The following AKR1E2 variants were observed in gnomAD, a reference collection of about 807,000 sequenced individuals.
AKR1E2 encodes the protein aldo-keto reductase family 1 member E2.
Under a neutral mutation model 41.9 loss-of-function variants are expected in AKR1E2, and 43 were observed. The ratio of observed to expected loss-of-function variants is 1.03; its 90% CI spans 0.80 to 1.32. The LOEUF is 1.32. Ranked by LOEUF, AKR1E2 falls within the 40% of genes most tolerant of loss-of-function variation. The pLI, the probability that AKR1E2 is intolerant of heterozygous loss-of-function variation, is 0.00. For synonymous variants in AKR1E2, 121 were observed against 138.9 expected, an observed-to-expected ratio of 0.87 and a Z score of 0.91; for missense variants, 423 against 396.5, an observed-to-expected ratio of 1.07 and a Z score of -0.57.
intron 1 of AKR1E2, among the ~76,000 whole-genome samples, chr10:4,826,606 G>C (rs915506297): frequency 6.6e-6 from 1 of 152,144 alleles, no homozygotes; most frequent in Admixed American, 6.5e-5. Flanking sequence ...GGGAACCTCG[G>C]CAGCCAAGCC....
the AKR1E2 span, among the ~76,000 whole-genome samples, chr10:4,862,514 C>T: frequency 6.6e-6 from 1 of 152,144 alleles, no homozygotes; most frequent in Non-Finnish European, 1.5e-5. Context: ...CTATAAATTA[C>T]CTTGGGCAGT....
the AKR1E2 span, among the ~76,000 whole-genome samples, chr10:4,865,726 G>A: frequency 6.6e-6 from 1 of 152,132 alleles, no homozygotes; most frequent in South Asian, 2.1e-4. Flanking sequence ...AGAGATAATC[G>A]GTATTAAGTT....
chr10:4,856,046 G>A, the AKR1E2 span, among the ~76,000 whole-genome samples: 3 of 152,116 alleles, frequency 2.0e-5, no homozygotes, highest in African/African-American at 7.2e-5. Context: ...ACTTACCAAG[G>A]TTTTTCACCA....
At chr10:4,868,029 T>G in the AKR1E2 span, among the ~76,000 whole-genome samples, 1 of 152,084 alleles carries the variant, frequency 6.6e-6, no homozygotes, top group Non-Finnish European at 1.5e-5. Flanking sequence ...ACTGGATCGT[T>G]GGGGGTTTGG....
At chr10:4,845,297 C>T (rs991630083) in intron 8 of AKR1E2, among the ~76,000 whole-genome samples, 5 of 152,332 alleles carry the variant, frequency 3.3e-5, no homozygotes, top group Admixed American at 6.5e-5. Context: ...CGGCGTCTCT[C>T]CCTCCACACC....
At chr10:4,842,834 A>G (rs1484525932) in intron 8 of AKR1E2, among the ~76,000 whole-genome samples, 2 of 152,064 alleles carry the variant, frequency 1.3e-5, no homozygotes, top group Admixed American at 6.5e-5. Flanking sequence ...CCCACAGGGG[A>G]GGCTGGATGT....
At position 4,826,238 on chromosome 10, in the gene AKR1E2, C is replaced by G. The variant is rs1832479435; in HGVS notation, c.-87C>G. 1 of 1,098,748 alleles carries G rather than the reference C, an allele frequency of 9.1e-7. No individual in the cohort carries two copies. Among genetic ancestry groups the G allele is most frequent in the Non-Finnish European group, 1.2e-6 (1 of 865,288 alleles). The allele number at this position is 1,098,748 out of a possible 1,614,324, so 68.1% of individuals were successfully genotyped here. On this transcript the variant is annotated 5_prime_UTR_variant, in exon 1 of 10. Transcript: ENST00000298375. ...AGGCACTTCCAGCCAGTCGCAACGGCGGGTCGCCAGCGCCGCAGTAGCTCG... is the reference window on the plus strand; with the variant it reads ...AGGCACTTCCAGCCAGTCGCAACGGGGGGTCGCCAGCGCCGCAGTAGCTCG...
chr10:4,834,301 A>G (rs1245491965), intron 3 of AKR1E2, among the ~76,000 whole-genome samples: 1 of 152,248 alleles, frequency 6.6e-6, no homozygotes, highest in Non-Finnish European at 1.5e-5. Flanking sequence ...GTAAAATAAC[A>G]AAAAACACTT....
At chr10:4,840,417 G>A (rs1053498437) in intron 6 of AKR1E2, among the ~76,000 whole-genome samples, 6 of 152,184 alleles carry the variant, frequency 3.9e-5, no homozygotes, top group African/African-American at 1.4e-4. Context: ...CATTCCCGAG[G>A]TCATTAGAGG....
the AKR1E2 span, among the ~76,000 whole-genome samples, chr10:4,867,948 T>C: frequency 6.6e-6 from 1 of 152,132 alleles, no homozygotes; most frequent in South Asian, 2.1e-4. Flanking sequence ...CACTGTGATA[T>C]ATATACTGCC....
Position 4,835,660 on chromosome 10 carries a change from T to C in AKR1E2, c.325-15T>C. On this transcript the variant is annotated splice_polypyrimidine_tract_variant and intron_variant, in intron 3 of 9. Coordinates refer to ENST00000298375, the MANE Select transcript of AKR1E2 (RefSeq NM_001040177.3). ...TTGTTTTGTTTTCACACATCTCAAC[T>C]CTCCTTCTTCGCAGCCTCCTCATCC... The C allele has an allele frequency of 6.2e-7, 1 of 1,613,252 alleles. No homozygotes were observed. Among genetic ancestry groups the C allele is most frequent in the Non-Finnish European group, 8.5e-7 (1 of 1,179,796 alleles).
chr10:4,858,502 A>G, the AKR1E2 span, among the ~76,000 whole-genome samples: 1 of 152,232 alleles, frequency 6.6e-6, no homozygotes, highest in Non-Finnish European at 1.5e-5. Flanking sequence ...TTTCAATGCA[A>G]TTGGTGCTTC....
chr10:4,831,988 A>C (rs1314808652), intron 2 of AKR1E2, among the ~76,000 whole-genome samples: 1 of 152,196 alleles, frequency 6.6e-6, no homozygotes, highest in Non-Finnish European at 1.5e-5. Context: ...CTGCACTGGC[A>C]CAGTGGGTGA....
intron 3 of AKR1E2, 134 bp from the exon 4 acceptor site, chr10:4,835,541 C>A: frequency 8.8e-7 from 1 of 1,135,930 alleles, no homozygotes; most frequent in Non-Finnish European, 1.2e-6. Context: ...AAGGTGAAGA[C>A]TGGGCCTGGT....
chr10:4,847,419 T>C (rs1019607882), intron 9 of AKR1E2, 69 bp from the exon 10 acceptor site: 2 of 1,580,696 alleles, frequency 1.3e-6, no homozygotes, highest in South Asian at 2.3e-5. Context: ...GTATATACCA[T>C]TTAAAATGTT....
Position 4,837,553 on chromosome 10 carries a change from G to A in AKR1E2, c.554G>A (p.Gly185Glu). Residue 185 changes from glycine (G) to glutamate (E), a missense_variant, in exon 5 of 10, where the codon GGG (glycine) becomes GAG (glutamate). Physicochemically the swap from Gly to Glu is moderately conservative, Grantham distance 98 (BLOSUM62 -2). Transcript: ENST00000298375. ...CTTGAGAGGCTTTTGAATAAGCCTG[G>A]GTTGAGGTTCAAGCCACTAACCAAC... The part of the protein sequence containing the change: ...EQLERLLNKP[G>E]LRFKPLTNQI... 1.2e-6 allele frequency: 2 copies of A among 1,613,980 alleles called. No homozygotes were observed. The highest frequency in any genetic ancestry group is 1.7e-6 in the Non-Finnish European group (2 of 1,179,922).
the AKR1E2 span, among the ~76,000 whole-genome samples, chr10:4,864,258 C>T: frequency 6.6e-6 from 1 of 152,078 alleles, no homozygotes; most frequent in South Asian, 2.1e-4. Flanking sequence ...AAAGCTTATC[C>T]ACCATGATCA....
At chr10:4,854,279 A>T in the AKR1E2 span, among the ~76,000 whole-genome samples, 4 of 151,984 alleles carry the variant, frequency 2.6e-5, no homozygotes, top group Non-Finnish European at 1.5e-5. Flanking sequence ...TTTCTAGTAG[A>T]GATGGGGTTT....
intron 7 of AKR1E2, 72 bp downstream of exon 7, chr10:4,841,929 C>A: frequency 1.4e-6 from 2 of 1,402,040 alleles, no homozygotes; most frequent in South Asian, 1.4e-5. Flanking sequence ...AGTCCTGGGG[C>A]TTGGCAGGTC....
Sources: allele counts gnomAD v4.1 joint callset (sites outside exome capture counted in the v4.1 genomes callset), GRCh38; gene constraint gnomAD v4.1.1; transcripts MANE v1.5; gene names NCBI Gene and HGNC (gene_info 2026-07-23, HGNC 2026-07-21).